PEX1: variants seen among roughly 807,000 people sequenced by gnomAD.
PEX1 encodes the protein peroxisomal biogenesis factor 1, also known as peroxisomal ATPase PEX1.
Under a neutral mutation model 152.5 loss-of-function variants are expected in PEX1, and 97 were observed. That is an observed-to-expected ratio of 0.64 (90% CI 0.54 to 0.75). The LOEUF (loss-of-function observed/expected upper bound fraction) is 0.75. Among genes scored for constraint, PEX1 ranks in the 30% least tolerant of loss-of-function variants. The pLI is 0.00. For synonymous variants in PEX1, 485 were observed against 531.6 expected (o/e 0.91, Z 1.21); for missense variants, 1,357 against 1,516.3 (o/e 0.89, Z 1.74).
intron 5 of PEX1, among the ~76,000 whole-genome samples, chr7:92,515,120 T>C (rs945232838): frequency 7.9e-6 from 1 of 126,284 alleles, no homozygotes; most frequent in Non-Finnish European, 1.7e-5. Flanking sequence ...TATATATATA[T>C]ATCAATAATG....
intron 12 of PEX1, among the ~76,000 whole-genome samples, chr7:92,504,017 C>T (rs1792059722): frequency 6.6e-6 from 1 of 152,034 alleles, no homozygotes; most frequent in African/African-American, 2.4e-5. Flanking sequence ...TGCCTGTAGA[C>T]CACGCTTCCT....
intron 1 of PEX1, among the ~76,000 whole-genome samples, chr7:92,527,461 T>C (rs1027252328): frequency 3.9e-5 from 6 of 152,194 alleles, no homozygotes; most frequent in African/African-American, 1.4e-4. Flanking sequence ...ATGTTTTCAG[T>C]GGACCAAAAA....
rs763657593 is a variant in PEX1, at chr7:92,502,095, C to G, written c.2227-16G>C. 6.5e-7 allele frequency: 1 copy of G among 1,538,432 alleles called. No homozygotes were observed. Among genetic ancestry groups the G allele is most frequent in the South Asian group, 1.1e-5 (1 of 87,740 alleles). The stretch of plus-strand genomic sequence containing the variant: ...ATCTTTGTTCCTAAAGAAAAAAACA[C>G]AAAATTCGAATTTCCAATTGTATTC... On this transcript the variant is annotated splice_polypyrimidine_tract_variant and intron_variant, in intron 13 of 23. Transcript: ENST00000248633.
chr7:92,527,182 T>G (rs2116290724), intron 1 of PEX1, among the ~76,000 whole-genome samples: 1 of 152,352 alleles, frequency 6.6e-6, no homozygotes, highest in East Asian at 1.9e-4. Context: ...GACCACTAAA[T>G]TCTTAAACAG....
chr7:92,512,769 C>A (rs972969791), intron 6 of PEX1, among the ~76,000 whole-genome samples: 1 of 152,058 alleles, frequency 6.6e-6, no homozygotes, highest in Non-Finnish European at 1.5e-5. Flanking sequence ...GGATAACAGG[C>A]GTGAGCTACC....
At chr7:92,521,720 A>C (rs1793059218) in intron 2 of PEX1, among the ~76,000 whole-genome samples, 1 of 152,212 alleles carries the variant, frequency 6.6e-6, no homozygotes, top group Non-Finnish European at 1.5e-5. Flanking sequence ...TATAGGTGTG[A>C]GCCACCGCAC....
At chr7:92,499,516 C>A (rs1181685297) in intron 16 of PEX1, among the ~76,000 whole-genome samples, 188 bp downstream of exon 16, 1 of 152,012 alleles carries the variant, frequency 6.6e-6, no homozygotes, top group African/African-American at 2.4e-5. Flanking sequence ...AGACAAAAAG[C>A]AGATGAATGG....
At chr7:92,521,304 T>C (rs921365403) in intron 2 of PEX1, among the ~76,000 whole-genome samples, 2 of 152,198 alleles carry the variant, frequency 1.3e-5, no homozygotes, top group Admixed American at 1.3e-4. Context: ...TTTAAAGGAA[T>C]AACTTGATAA....
chr7:92,510,941 T>A lies in PEX1; in HGVS notation c.1587+3A>T. On this transcript the variant is annotated splice_donor_region_variant and intron_variant, in intron 8 of 23. Transcript: ENST00000248633. ...TATTAAATATTCAATAACATGCTATTACTTGTATTGTAGTCTTCTGCAGCA... is the reference window on the plus strand; with the variant it reads ...TATTAAATATTCAATAACATGCTATAACTTGTATTGTAGTCTTCTGCAGCA... 7.5e-7 allele frequency: 1 copy of A among 1,337,700 alleles called. No individual in the cohort carries two copies. Among genetic ancestry groups the A allele is most frequent in the Non-Finnish European group, 1.1e-6 (1 of 930,474 alleles). The allele number at this position is 1,337,700 out of a possible 1,614,324, so 82.9% of individuals were successfully genotyped here.
intron 12 of PEX1, 84 bp from the exon 13 acceptor site, chr7:92,503,279 C>G: frequency 8.2e-7 from 1 of 1,222,386 alleles, no homozygotes; most frequent in Middle Eastern, 2.1e-4. Flanking sequence ...AATAATGATA[C>G]TCTAAGGTTG....
In PEX1 at chr7:92,487,246, A is replaced by G. The variant is rs1287642632; in HGVS notation, c.*211T>C. On this transcript the variant is annotated 3_prime_UTR_variant, in exon 24 of 24. Transcript: ENST00000248633. ...GAATTTAGATTTTAGGAAATAAAAT[A>G]TGGAATCTGTTATAATGTCCCAATT... 1 of 330,560 alleles carries G rather than the reference A, an allele frequency of 3.0e-6. No homozygotes were observed. The highest frequency in any genetic ancestry group is 4.7e-5 in the East Asian group (1 of 21,082). 20.5% of individuals were successfully genotyped at this position (330,560 alleles called of 1,614,324 possible).
At chr7:92,495,479 T>C (rs932898814) in intron 17 of PEX1, among the ~76,000 whole-genome samples, 5 of 152,222 alleles carry the variant, frequency 3.3e-5, no homozygotes, top group Non-Finnish European at 7.3e-5. Flanking sequence ...CTTTAACTTT[T>C]CTAACTCAAT....
intron 16 of PEX1, among the ~76,000 whole-genome samples, chr7:92,498,132 T>C (rs1321766368): frequency 6.6e-6 from 1 of 150,986 alleles, no homozygotes; most frequent in African/African-American, 2.4e-5. Context: ...CCTGGCACTT[T>C]TAGTTTCTCC....
rs370483961 is a variant in PEX1, at chr7:92,507,055, C to T, written c.1742G>A (p.Arg581Gln). The T allele has an allele frequency of 7.4e-6, 12 of 1,613,854 alleles. No homozygotes were observed. The highest frequency in any genetic ancestry group is 3.3e-5 in the South Asian group (3 of 91,070). The change falls in exon 10 of 24, where the codon CGG (arginine) becomes CAG (glutamine). Residue 581 changes from arginine (R) to glutamine (Q), a missense_variant. Arg to Gln is a conservative substitution (Grantham distance 43). Transcript: ENST00000248633. The part of the protein sequence containing the change: ...THSLLGRPLS[R>Q]QLMSLVAGLR... ...TCCTGCAACAAGAGACATCAGCTGCCGAGACAAAGGGCGTCCCAGGAGGCT... is the reference window on the plus strand; with the variant it reads ...TCCTGCAACAAGAGACATCAGCTGCTGAGACAAAGGGCGTCCCAGGAGGCT...
At position 92,503,111 on chromosome 7, in the gene PEX1, T is replaced by A; in HGVS notation, c.2156A>T (p.His719Leu). The A allele has an allele frequency of 6.2e-7, 1 of 1,613,754 alleles. No homozygotes were observed. Among genetic ancestry groups the A allele is most frequent in the Non-Finnish European group, 8.5e-7 (1 of 1,179,726 alleles). The part of the protein sequence containing the change: ...IATSQSQQSL[H>L]PLLVSAQGVH... The stretch of plus-strand genomic sequence containing the variant: ...TCCTTGAGCAGAAACAAGTAAAGGA[T>A]GTAGAGATTGCTGAGACTGACTTGT... Residue 719 changes from histidine (H) to leucine (L), a missense_variant, in exon 13 of 24, where the codon CAT becomes CTT. Physicochemically the swap from His to Leu is moderately conservative, Grantham distance 99. Transcript: ENST00000248633.
intron 5 of PEX1, among the ~76,000 whole-genome samples, chr7:92,515,093 A>ATATC (rs1562863823): frequency 5.8e-4 from 3 of 5,194 alleles, no homozygotes; most frequent in African/African-American, 2.7e-3. Flanking sequence ...ATATATATAT[A>ATATC]TATATATATA....
rs771494018 is a variant in PEX1 at position 92,491,486 on chromosome 7, G to T, written c.3224C>A (p.Ser1075Tyr). The change falls in exon 21 of 24, where the codon TCT (serine) becomes TAT (tyrosine). Residue 1075 changes from serine to tyrosine, a missense_variant. By Grantham distance (144) the Ser-to-Tyr change is moderately radical. Transcript: ENST00000248633. ...SSGLQDGSSS[S>Y]DSDLSLSSMV... The stretch of plus-strand genomic sequence containing the variant: ...TGAAGACAGACTTAGGTCACTATCA[G>T]AGCTGGAACTTCCATCCTAAAATAC... 9 of 1,608,506 alleles carry T rather than the reference G, an allele frequency of 5.6e-6. No individual in the cohort carries two copies. Among genetic ancestry groups the T allele is most frequent in the Non-Finnish European group, 7.7e-6 (9 of 1,175,174 alleles).
intron 16 of PEX1, 105 bp downstream of exon 16, chr7:92,499,599 G>T: frequency 3.2e-6 from 3 of 924,286 alleles, no homozygotes; most frequent in Non-Finnish European, 5.3e-6. Context: ...TGGTTGCATA[G>T]CATTGTGAAT....
In PEX1 at chr7:92,494,387, A is replaced by T; in HGVS notation, c.2936T>A (p.Val979Glu). The part of the protein sequence containing the change: ...DGVEGLQGVY[V>E]LAATSRPDLI... ...GTCAGGGCGACTAGTAGCAGCCAAT[A>T]CATAAACACCTAGAGGAAAAAAGAA... The change falls in exon 19 of 24, where the codon GTA (valine) becomes GAA (glutamate). Residue 979 changes from valine to glutamate, a missense_variant. Transcript: ENST00000248633. 1 of 1,613,966 alleles carries T rather than the reference A, an allele frequency of 6.2e-7. No homozygotes were observed. The highest frequency in any genetic ancestry group is 1.1e-5 in the South Asian group (1 of 91,080).
Sources: allele counts gnomAD v4.1 joint callset (sites outside exome capture counted in the v4.1 genomes callset), GRCh38; gene constraint gnomAD v4.1.1; transcripts MANE v1.5; gene names NCBI Gene and HGNC (gene_info 2026-07-23, HGNC 2026-07-21).